ANKFN1: variants seen among roughly 807,000 people sequenced by gnomAD.
ANKFN1 encodes the protein ankyrin repeat and fibronectin type III domain containing 1.
Under a neutral mutation model 108.7 loss-of-function variants are expected in ANKFN1, and 74 were observed. That is an observed-to-expected ratio of 0.68 (90% CI 0.56 to 0.83). The LOEUF (loss-of-function observed/expected upper bound fraction) is 0.83. ANKFN1 is among the 40% of genes least tolerant of loss of function. The pLI is 0.00. For synonymous variants in ANKFN1, 547 were observed against 516.2 expected, an observed-to-expected ratio of 1.06 and a Z score of -0.81; for missense variants, 1,505 against 1,382.3, an observed-to-expected ratio of 1.09 and a Z score of -1.41.
At chr17:56,179,652 T>G (rs1467307284) in intron 1 of ANKFN1, among the ~76,000 whole-genome samples, 2 of 152,206 alleles carry the variant, frequency 1.3e-5, no homozygotes, top group Non-Finnish European at 2.9e-5. Context: ...AATCCCTGCT[T>G]GGCTTCTTGC....
At chr17:56,250,759 A>G (rs1223474279) in intron 3 of ANKFN1, among the ~76,000 whole-genome samples, 2 of 152,016 alleles carry the variant, frequency 1.3e-5, no homozygotes, top group Non-Finnish European at 2.9e-5. Context: ...TTAAAATGGT[A>G]TAACTATCAT....
chr17:56,336,031 A>T (rs537016658), intron 4 of ANKFN1, among the ~76,000 whole-genome samples: 2 of 152,228 alleles, frequency 1.3e-5, no homozygotes, highest in Admixed American at 6.5e-5. Context: ...TGATTTTTGT[A>T]TGTTGAACCA....
chr17:56,208,094 C>T (rs2143795357), intron 1 of ANKFN1, among the ~76,000 whole-genome samples: 1 of 152,302 alleles, frequency 6.6e-6, no homozygotes, highest in East Asian at 1.9e-4. Context: ...GCTGCAACCT[C>T]CACCTCCCGG....
chr17:56,453,121 T>A (rs1012035575), intron 11 of ANKFN1, among the ~76,000 whole-genome samples: 1 of 152,104 alleles, frequency 6.6e-6, no homozygotes, highest in African/African-American at 2.4e-5. Flanking sequence ...TTTCCCCATA[T>A]CTCTAAGTAA....
chr17:56,116,560 GA>G (rs1906289163), intron 4 of ANKFN1, among the ~76,000 whole-genome samples: 1 of 151,974 alleles, frequency 6.6e-6, no homozygotes. Context: ...ACTGGTTGTT[GA>G]AAAAAGCCTG....
At chr17:56,202,010 T>C (rs1914106530) in intron 1 of ANKFN1, among the ~76,000 whole-genome samples, 1 of 152,210 alleles carries the variant, frequency 6.6e-6, no homozygotes, top group Non-Finnish European at 1.5e-5. Flanking sequence ...CTGCCAGAGA[T>C]GCTTCTGGAG....
chr17:56,419,497 AG>A (rs1278730044), intron 8 of ANKFN1, among the ~76,000 whole-genome samples: 1 of 151,632 alleles, frequency 6.6e-6, no homozygotes, highest in East Asian at 1.9e-4. Context: ...AAAAAAAAAA[AG>A]AGATATAAAT....
chr17:56,386,727 T>C (rs1372157747), intron 8 of ANKFN1, among the ~76,000 whole-genome samples: 3 of 151,914 alleles, frequency 2.0e-5, no homozygotes, highest in Admixed American at 6.6e-5. Context: ...GCTGTGAGAG[T>C]TTCTATCTGT....
In ANKFN1 at chr17:56,418,058, G is replaced by C. The variant is rs150103804; in HGVS notation, c.911-22269G>C. Reference sequence around the variant, plus strand: ...AGTCTTCTACTATCCAATAGAAATCGTTTGGCAAAACTTCCCCAGGACTTT... The same window carrying C: ...AGTCTTCTACTATCCAATAGAAATCCTTTGGCAAAACTTCCCCAGGACTTT... On this transcript the variant is annotated intron_variant, in intron 8 of 20. Coordinates refer to ENST00000682825, the MANE Select transcript of ANKFN1 (RefSeq NM_001370326.1). Among the ~76,000 whole-genome samples the C allele has an allele frequency of 8.5e-5, 13 of 152,218 alleles. No individual in the cohort carries two copies. The South Asian group carries it at 2.7e-3, about 32-fold the overall frequency.
At chr17:56,377,855 T>C (rs1264725448) in intron 8 of ANKFN1, among the ~76,000 whole-genome samples, 1 of 152,172 alleles carries the variant, frequency 6.6e-6, no homozygotes, top group Non-Finnish European at 1.5e-5. Flanking sequence ...GTTTGTGTTT[T>C]TTTTCTTAAT....
intron 4 of ANKFN1, among the ~76,000 whole-genome samples, chr17:56,134,855 G>A (rs1907504554): frequency 6.6e-6 from 1 of 152,120 alleles, no homozygotes; most frequent in African/African-American, 2.4e-5. Context: ...CAACTATTAT[G>A]CAAGTCATGT....
chr17:56,336,335 A>T (rs2045810017), intron 4 of ANKFN1, among the ~76,000 whole-genome samples: 1 of 152,162 alleles, frequency 6.6e-6, no homozygotes, highest in African/African-American at 2.4e-5. Context: ...TCGGCTGGGA[A>T]TCCATCTGGT....
intron 5 of ANKFN1, among the ~76,000 whole-genome samples, chr17:56,352,298 T>A (rs1052264560): frequency 6.6e-6 from 1 of 152,232 alleles, no homozygotes; most frequent in African/African-American, 2.4e-5. Flanking sequence ...AATTTTGTGT[T>A]ATGTACTCAG....
chr17:56,389,546 T>C (rs1279885013), intron 8 of ANKFN1, among the ~76,000 whole-genome samples: 1 of 152,220 alleles, frequency 6.6e-6, no homozygotes, highest in Non-Finnish European at 1.5e-5. Flanking sequence ...CACTTCTCCT[T>C]TTTATTCAGC....
chr17:56,469,147 G>A (rs770794638), intron 15 of ANKFN1, among the ~76,000 whole-genome samples: 8 of 152,152 alleles, frequency 5.3e-5, no homozygotes, highest in Non-Finnish European at 1.0e-4. Context: ...AGGCAGGATC[G>A]GGTTTCCACA....
chr17:56,482,965 A>T (rs1172396142), intron 18 of ANKFN1, among the ~76,000 whole-genome samples: 1 of 151,980 alleles, frequency 6.6e-6, no homozygotes, highest in African/African-American at 2.4e-5. Flanking sequence ...CCAACCAGAG[A>T]AAAAAATAAT....
At chr17:56,343,875 T>G (rs1177077878) in intron 4 of ANKFN1, among the ~76,000 whole-genome samples, 4 of 152,052 alleles carry the variant, frequency 2.6e-5, no homozygotes, top group African/African-American at 9.7e-5. Context: ...CATTTGTTAA[T>G]GTACTTTTAA....
Position 56,059,063 on chromosome 17 carries a change from G to T in ANKFN1, c.288+12738G>T, listed in dbSNP as rs4794619. ...TACATTCCCACCAACAGTGTAACAG[G>T]GTTCCTATTTCCCCACAGCCTCACC... On this transcript the variant is annotated intron_variant, in intron 4 of 12. Coordinates refer to the ANKFN1 transcript ENST00000635860. Among the ~76,000 whole-genome samples the T allele has an allele frequency of 7.7e-4, 117 of 152,118 alleles. 1 individual carries two copies. Among genetic ancestry groups the T allele is most frequent in the African/African-American group, 2.8e-3 (115 of 41,510 alleles).
intron 3 of ANKFN1, among the ~76,000 whole-genome samples, chr17:56,307,232 C>G (rs2044856774): frequency 6.6e-6 from 1 of 152,138 alleles, no homozygotes. Context: ...CAAATGGGAT[C>G]TAATTAAACT....
Sources: gnomAD v4.1 joint callset for allele counts (sites outside exome capture counted in the v4.1 genomes callset) on GRCh38, gnomAD v4.1.1 for gene constraint, MANE v1.5 for transcripts, NCBI Gene and HGNC (gene_info 2026-07-23, HGNC 2026-07-21) for gene names.